Variants in PDE7B observed in about 807,000 individuals in gnomAD.
PDE7B encodes phosphodiesterase 7B.
In PDE7B, 29 loss-of-function variants were observed where a neutral mutation model predicts 56.2. That is an observed-to-expected ratio of 0.52 (90% CI 0.38 to 0.70). The LOEUF (loss-of-function observed/expected upper bound fraction) is 0.70, where lower values mean the gene tolerates loss of function less well. PDE7B is among the 30% of genes least tolerant of loss of function. The pLI is 0.00. For missense variants in PDE7B, 490 were observed against 565.0 expected (o/e 0.87, Z 1.35); for synonymous variants, 197 against 196.9 (o/e 1.00, Z 0.00).
intron 2 of PDE7B, among the ~76,000 whole-genome samples, chr6:136,005,525 C>T (rs1029776761): frequency 1.3e-5 from 2 of 152,160 alleles, no homozygotes. Flanking sequence ...ACAAACAACC[C>T]CATTGAAAAG....
At chr6:135,958,660 TTAAA>T (rs1162732924) in intron 2 of PDE7B, among the ~76,000 whole-genome samples, 1 of 152,176 alleles carries the variant, frequency 6.6e-6, no homozygotes, top group African/African-American at 2.4e-5. Context: ...TGTTGAAGTA[TTAAA>T]TAAATAAATA....
chr6:136,064,054 C>T (rs911111197), intron 2 of PDE7B, among the ~76,000 whole-genome samples: 3 of 152,080 alleles, frequency 2.0e-5, no homozygotes, highest in African/African-American at 4.8e-5. Context: ...TGTGGAGTAT[C>T]ATCTGGCTTT....
chr6:136,030,549 G>A (rs1289012660), intron 2 of PDE7B, among the ~76,000 whole-genome samples: 3 of 152,208 alleles, frequency 2.0e-5, no homozygotes, highest in Non-Finnish European at 4.4e-5. Flanking sequence ...ACTGGCTACA[G>A]CACCATGAAT....
intron 2 of PDE7B, among the ~76,000 whole-genome samples, chr6:135,992,650 T>C (rs6940216): frequency 0.038 from 5,847 of 152,240 alleles, 342 homozygotes; most frequent in African/African-American, 0.13. Flanking sequence ...CTAGAGTTTG[T>C]GGATGGTTTA....
chr6:136,007,289 T>G (rs1261353378), intron 2 of PDE7B, among the ~76,000 whole-genome samples: 1 of 152,198 alleles, frequency 6.6e-6, no homozygotes, highest in Non-Finnish European at 1.5e-5. Flanking sequence ...AGCCTTTTGA[T>G]GTGCTGCTGG....
intron 3 of PDE7B, among the ~76,000 whole-genome samples, chr6:136,123,907 T>C (rs1777978988): frequency 6.6e-6 from 1 of 152,160 alleles, no homozygotes. Context: ...AATAGAGTAA[T>C]ACAATAGATT....
chr6:135,858,145 T>C (rs1249766174), intron 1 of PDE7B, among the ~76,000 whole-genome samples: 1 of 152,092 alleles, frequency 6.6e-6, no homozygotes, highest in African/African-American at 2.4e-5. Flanking sequence ...TTATTTAATT[T>C]AATTACTATT....
chr6:135,905,933 C>G (rs1400996007), intron 1 of PDE7B, among the ~76,000 whole-genome samples: 1 of 152,178 alleles, frequency 6.6e-6, no homozygotes, highest in Non-Finnish European at 1.5e-5. Flanking sequence ...CTCTCCTGCC[C>G]TGTGCTGCGG....
At chr6:135,935,148 A>G (rs10872453) in intron 1 of PDE7B, among the ~76,000 whole-genome samples, 1 of 99,738 alleles carries the variant, frequency 1.0e-5, no homozygotes, top group South Asian at 3.1e-4. Context: ...TTTATATATA[A>G]ATAAATATAT....
intron 3 of PDE7B, among the ~76,000 whole-genome samples, chr6:136,130,178 G>T (rs901091483): frequency 6.6e-6 from 1 of 152,132 alleles, no homozygotes; most frequent in East Asian, 1.9e-4. Flanking sequence ...TTACCAGAAA[G>T]GATACAGTCT....
intron 3 of PDE7B, chr6:136,117,121 C>G (rs1041405380): frequency 6.6e-6 from 1 of 152,248 alleles, no homozygotes; most frequent in Admixed American, 6.5e-5. Context: ...CTTCCTTGAG[C>G]GAAACTCTAA....
At chr6:135,865,430 C>A (rs1775236188) in intron 1 of PDE7B, among the ~76,000 whole-genome samples, 1 of 152,136 alleles carries the variant, frequency 6.6e-6, no homozygotes, top group South Asian at 2.1e-4. Context: ...TCATTTCTAG[C>A]TTTCTGTCAA....
chr6:135,998,784 A>C (rs913778418), intron 2 of PDE7B, among the ~76,000 whole-genome samples: 7 of 151,928 alleles, frequency 4.6e-5, no homozygotes, highest in African/African-American at 9.7e-5. Context: ...AAATAAACAA[A>C]AAAAAAACAC....
chr6:135,916,096 G>A (rs1193213139), intron 1 of PDE7B, among the ~76,000 whole-genome samples: 1 of 152,124 alleles, frequency 6.6e-6, no homozygotes. Flanking sequence ...TCATAAAGTA[G>A]GTAAATTTTA....
intron 2 of PDE7B, among the ~76,000 whole-genome samples, chr6:136,092,687 G>A (rs769673511): frequency 6.6e-6 from 1 of 152,210 alleles, no homozygotes; most frequent in Non-Finnish European, 1.5e-5. Context: ...CTTGATCCCA[G>A]GAGGCGGAGG....
Position 136,005,281 on chromosome 6 carries a change from G to T in PDE7B, c.82+57757G>T, listed in dbSNP as rs369337022. On this transcript the variant is annotated intron_variant, in intron 2 of 12. Coordinates refer to ENST00000308191, the MANE Select transcript of PDE7B (RefSeq NM_018945.4). ...AGAAAACCTAGGCATTACCATTCAG[G>T]ACATAGGCATGGGCAAGGACTTCAT... Among the ~76,000 whole-genome samples, 15 of 152,286 alleles carry T rather than the reference G, an allele frequency of 9.8e-5. 1 individual carries two copies. Among genetic ancestry groups the T allele is most frequent in the Admixed American group, 5.2e-4 (8 of 15,298 alleles).
At chr6:136,187,181 A>G (rs1254680020) in intron 12 of PDE7B, 65 bp downstream of exon 12, 2 of 827,442 alleles carry the variant, frequency 2.4e-6, no homozygotes, top group Non-Finnish European at 2.1e-6. Context: ...AGTGACAAAG[A>G]AAAGATCTAA....
At chr6:136,186,285 G>A (rs544371262) in intron 11 of PDE7B, among the ~76,000 whole-genome samples, 3 of 151,942 alleles carry the variant, frequency 2.0e-5, no homozygotes, top group African/African-American at 7.2e-5. Flanking sequence ...TACATTAGCC[G>A]GGCATGGTGG....
chr6:135,927,106 C>T (rs1474125097), intron 1 of PDE7B, among the ~76,000 whole-genome samples: 1 of 152,160 alleles, frequency 6.6e-6, no homozygotes, highest in Non-Finnish European at 1.5e-5. Context: ...ACAAACAATA[C>T]ATTTTGTCAT....
Sources: gnomAD v4.1 joint callset for allele counts (sites outside exome capture counted in the v4.1 genomes callset) on GRCh38, gnomAD v4.1.1 for gene constraint, MANE v1.5 for transcripts, NCBI Gene and HGNC (gene_info 2026-07-23, HGNC 2026-07-21) for gene names.